ZNF41: variants seen among roughly 807,000 people sequenced by gnomAD.
ZNF41 encodes zinc finger protein 41.
ZNF41 carries 6 observed loss-of-function variants against 9.3 expected under a neutral mutation model. That is an observed-to-expected ratio of 0.65 (90% CI 0.35 to 1.28). ZNF41 has a LOEUF of 1.28. Among genes scored for constraint, ZNF41 ranks in the 50% most tolerant of loss-of-function variants. ZNF41 has a pLI of 0.03. For missense variants in ZNF41, 523 were observed against 585.8 expected, an observed-to-expected ratio of 0.89 and a Z score of 1.11; for synonymous variants, 192 against 207.1, an observed-to-expected ratio of 0.93 and a Z score of 0.63.
chrX:47,448,256 G>A lies in ZNF41; in HGVS notation c.1514C>T (p.Thr505Ile). ...YICTECGKVF[T>I]HRTNLTTHQK... Reference sequence around the variant, plus strand: ...ATGTGTGGTGAGGTTTGTCCTGTGAGTGAAGACCTTTCCACATTCTGTACA... The same window carrying A: ...ATGTGTGGTGAGGTTTGTCCTGTGAATGAAGACCTTTCCACATTCTGTACA... The change falls in exon 5 of 5, where the codon ACT (threonine) becomes ATT (isoleucine). Residue 505 changes from threonine (T) to isoleucine (I), a missense_variant. Physicochemically the swap from Thr to Ile is moderately conservative, Grantham distance 89. Transcript: ENST00000684689. The A allele has an allele frequency of 5.0e-6, 6 of 1,211,581 alleles. No homozygotes were observed. Among genetic ancestry groups the A allele is most frequent in the Non-Finnish European group, 6.7e-6 (6 of 895,477 alleles).
chrX:47,458,782 G>A lies in ZNF41; in HGVS notation c.73-2384C>T, dbSNP rs983965015. On this transcript the variant is annotated intron_variant, in intron 2 of 4. Coordinates refer to ENST00000684689, the MANE Select transcript of ZNF41 (RefSeq NM_001324144.2). ...TGCTGCTTCGTTTTTTTTTTGTTTT[G>A]TTTTTTTTTTTTGTATTTTGTAGAG... 2.1e-4 allele frequency among the ~76,000 whole-genome samples: 22 copies of A among 103,413 alleles called. No homozygotes were observed. The Admixed American group carries it at 2.2e-3, about 10-fold the overall frequency. The allele number at this position is 103,413 out of a possible 115,157, so 89.8% of individuals were successfully genotyped here. A position where few individuals can be genotyped will look rare whatever the true frequency, so the allele number is the denominator to read the frequency against.
chrX:47,465,301 T>A (rs2056946315), intron 2 of ZNF41, among the ~76,000 whole-genome samples: 1 of 112,205 alleles, frequency 8.9e-6, no homozygotes. Context: ...GGGGAGACAT[T>A]GGTCAAAGTA....
At chrX:47,475,695 CTG>C (rs1211301323) in intron 1 of ZNF41, among the ~76,000 whole-genome samples, 1 of 111,700 alleles carries the variant, frequency 9.0e-6, no homozygotes, top group Non-Finnish European at 1.9e-5. Flanking sequence ...CTTGTACTGA[CTG>C]TATAGAAAGA....
At chrX:47,460,912 C>T (rs1031131148) in intron 2 of ZNF41, among the ~76,000 whole-genome samples, 1 of 110,585 alleles carries the variant, frequency 9.0e-6, no homozygotes, top group African/African-American at 3.3e-5. Flanking sequence ...TATATGCCCA[C>T]GTGGAATATG....
chrX:47,475,072 C>T lies in ZNF41; in HGVS notation c.-279-7312G>A, dbSNP rs28672225. Among the ~76,000 whole-genome samples, 10 of 100,838 alleles carry T rather than the reference C, an allele frequency of 9.9e-5. No homozygotes were observed. In the South Asian group the frequency reaches 2.7e-3, roughly 28 times the overall value. 87.6% of individuals were successfully genotyped at this position (100,838 alleles called of 115,157 possible). ...GTGTGCGCCTGTAATCCCAGCTACT[C>T]GGGAGGTTGAAAAAAAAAAAAGAAA... is the stretch of plus-strand genomic sequence containing the variant. On this transcript the variant is annotated intron_variant, in intron 1 of 4. Transcript: ENST00000684689.
At chrX:47,455,572 T>A (rs780033127) in intron 4 of ZNF41, among the ~76,000 whole-genome samples, 6 of 110,964 alleles carry the variant, frequency 5.4e-5, no homozygotes, top group Admixed American at 3.9e-4. Flanking sequence ...GCCACAGAAA[T>A]TTTAAAACAC....
chrX:47,456,503 A>G, intron 2 of ZNF41, 105 bp from the exon 3 acceptor site: 1 of 1,109,564 alleles, frequency 9.0e-7, no homozygotes, highest in Non-Finnish European at 1.2e-6. Context: ...TGTATCATGT[A>G]GGGTTTTCAC....
rs1246719852 is a variant in ZNF41 at position 47,448,390 on chromosome X, A to G, written c.1380T>C (p.Ile460=). The change falls in exon 5 of 5, where the codon ATT becomes ATC. Residue 460 remains isoleucine (I), a synonymous_variant. Coordinates refer to ENST00000684689, the MANE Select transcript of ZNF41 (RefSeq NM_001324144.2). The part of the protein sequence containing the change: ...QKSHFNTHQR[I]HTGEKPYECS... ...ATTCATACGGCTTTTCTCCAGTATGAATTCTCTGATGTGTGTTGAAATGTG... is the reference window on the plus strand; with the variant it reads ...ATTCATACGGCTTTTCTCCAGTATGGATTCTCTGATGTGTGTTGAAATGTG... 1 of 1,210,516 alleles carries G rather than the reference A, an allele frequency of 8.3e-7. No homozygotes were observed. Among genetic ancestry groups the G allele is most frequent in the South Asian group, 1.8e-5 (1 of 56,930 alleles).
chrX:47,457,838 AAAAC>A (rs1261754333), intron 2 of ZNF41, among the ~76,000 whole-genome samples: 2 of 112,031 alleles, frequency 1.8e-5, no homozygotes, highest in Non-Finnish European at 1.9e-5. Flanking sequence ...CTCCATCTCA[AAAAC>A]AAACAAACAA....
chrX:47,448,118 T>C lies in ZNF41; in HGVS notation c.1652A>G (p.Tyr551Cys), dbSNP rs781777518. The C allele has an allele frequency of 1.7e-5, 20 of 1,209,717 alleles. No homozygotes were observed. Among genetic ancestry groups the C allele is most frequent in the African/African-American group, 8.8e-5 (5 of 57,104 alleles). The stretch of plus-strand genomic sequence containing the variant: ...GGCTTTTCCACAGCCATTGCACTTA[T>C]AGGGTTTCTCTCCAGTGTGAGTTTT... Reference protein sequence around the residue: ...HQKTHTGEKPYKCNGCGKAFI... With the variant: ...HQKTHTGEKPCKCNGCGKAFI... The change falls in exon 5 of 5, where the codon TAT becomes TGT. Residue 551 changes from tyrosine (Y) to cysteine (C), a missense_variant. By Grantham distance (194) the Tyr-to-Cys change is radical. Coordinates refer to ENST00000684689, the MANE Select transcript of ZNF41 (RefSeq NM_001324144.2).
At chrX:47,477,617 C>G (rs1190937398) in intron 1 of ZNF41, among the ~76,000 whole-genome samples, 1 of 112,523 alleles carries the variant, frequency 8.9e-6, no homozygotes, top group Non-Finnish European at 1.9e-5. Context: ...CTTAAGTATT[C>G]TTTGTCCAAT....
chrX:47,469,127 C>T (rs764399231), intron 1 of ZNF41, among the ~76,000 whole-genome samples: 3 of 104,755 alleles, frequency 2.9e-5, no homozygotes, highest in East Asian at 3.0e-4. Context: ...CCGGCTAAAA[C>T]GGTGAAACCC....
chrX:47,445,220 T>C lies in ZNF41; in HGVS notation c.*2210A>G, dbSNP rs970148536. 8.9e-6 allele frequency among the ~76,000 whole-genome samples: 1 copy of C among 112,224 alleles called. No homozygotes were observed. The highest frequency in any genetic ancestry group is 1.9e-5 in the Non-Finnish European group (1 of 53,329). On this transcript the variant is annotated 3_prime_UTR_variant, in exon 5 of 5. Coordinates refer to ENST00000684689, the MANE Select transcript of ZNF41 (RefSeq NM_001324144.2). ...TCAATATTATTAATCATTAGGGCAG[T>C]GTAAATTAATATCACAATATAACTT...
intron 4 of ZNF41, among the ~76,000 whole-genome samples, chrX:47,453,735 C>A (rs935528958): frequency 1.8e-5 from 2 of 111,784 alleles, no homozygotes; most frequent in African/African-American, 6.5e-5. Context: ...ATGGAATCAG[C>A]AAATAAAATC....
Position 47,467,666 on chromosome X carries a change from A to T in ZNF41, c.-185T>A, listed in dbSNP as rs780822028. 1.7e-5 allele frequency: 8 copies of T among 474,322 alleles called. No homozygotes were observed. In the African/African-American group the frequency reaches 1.9e-4, roughly 11 times the overall value. 39.1% of individuals were successfully genotyped at this position (474,322 alleles called of 1,213,427 possible). On this transcript the variant is annotated 5_prime_UTR_variant, in exon 2 of 5. Transcript: ENST00000684689. ...CCCCAGACTCTGCAGAGGCTCCAAG[A>T]AACCCTGGAAAGACAGTGTCCACAT... is the stretch of plus-strand genomic sequence containing the variant.
intron 1 of ZNF41, among the ~76,000 whole-genome samples, chrX:47,479,190 A>C (rs1224957051): frequency 1.8e-5 from 2 of 111,162 alleles, no homozygotes; most frequent in Non-Finnish European, 3.8e-5. Flanking sequence ...TGTAAGCTTT[A>C]AATGGGTGAA....
chrX:47,448,907 TCAAA>T lies in ZNF41; in HGVS notation c.859_862del (p.Phe287SerfsTer87). On this transcript the variant is annotated frameshift_variant, in exon 5 of 5. Transcript: ENST00000684689. LOFTEE classifies it low-confidence loss of function (END_TRUNC). ...TTCTCCAGCATGAATTCTCTGATGC[TCAAA>T]CAGATGTGACTTCTGAGTGAAGCCC... The T allele has an allele frequency of 1.7e-6, 2 of 1,211,778 alleles. No individual in the cohort carries two copies. The highest frequency in any genetic ancestry group is 3.0e-5 in the East Asian group (1 of 33,857).
intron 2 of ZNF41, among the ~76,000 whole-genome samples, chrX:47,461,408 C>CT (rs963715498): frequency 2.4e-4 from 25 of 105,973 alleles, no homozygotes; most frequent in African/African-American, 7.3e-4. Flanking sequence ...AGGATATTTT[C>CT]TTTTTTTCCT....
Position 47,447,680 on chromosome X carries a change from C to T in ZNF41, c.2090G>A (p.Gly697Glu). The T allele has an allele frequency of 1.7e-6, 2 of 1,211,528 alleles. No homozygotes were observed. The highest frequency in any genetic ancestry group is 3.5e-5 in the South Asian group (2 of 56,985). ...GCGTGACTTCCAGGTGAAGGTTTTC[C>T]CGCAGTCACCACATTCATAGGGTTT... ...REKPYECGDC[G>E]KTFTWKSRLN... Residue 697 changes from glycine (G) to glutamate (E), a missense_variant, in exon 5 of 5, where the codon GGG becomes GAG. Transcript: ENST00000684689.
Sources: allele counts gnomAD v4.1 joint callset (sites outside exome capture counted in the v4.1 genomes callset), GRCh38; gene constraint gnomAD v4.1.1; transcripts MANE v1.5; gene names NCBI Gene and HGNC (gene_info 2026-07-23, HGNC 2026-07-21).